The following FRMD3 variants were observed in gnomAD, a reference collection of about 807,000 sequenced individuals.
FRMD3 encodes the protein FERM domain containing 3, also known as FERM domain-containing protein 3.
Under a neutral mutation model 70.2 loss-of-function variants are expected in FRMD3, and 33 were observed. The observed-to-expected ratio is 0.47, with a 90% CI of 0.36 to 0.63. The LOEUF (loss-of-function observed/expected upper bound fraction) is 0.63, where lower values mean the gene tolerates loss of function less well. Among genes scored for constraint, FRMD3 ranks in the 20% least tolerant of loss-of-function variants. The pLI is 0.00. For missense variants in FRMD3, 632 were observed against 711.4 expected, an observed-to-expected ratio of 0.89 and a Z score of 1.27; for synonymous variants, 279 against 255.9, an observed-to-expected ratio of 1.09 and a Z score of -0.86.
chr9:83,438,575 T>A lies in FRMD3; in HGVS notation c.148-48867A>T, dbSNP rs564436567. On this transcript the variant is annotated intron_variant, in intron 1 of 13. Coordinates refer to ENST00000304195, the MANE Select transcript of FRMD3 (RefSeq NM_174938.6). ...TCACCATGCCCAGCTAATTTTTGTA[T>A]TTTTAGTAGAGACAGGGTTTCACCA... Among the ~76,000 whole-genome samples the A allele has an allele frequency of 2.4e-4, 37 of 152,284 alleles. 1 individual carries two copies. The South Asian group carries it at 7.7e-3, about 32-fold the overall frequency.
chr9:83,343,623 C>T (rs1191879632), intron 4 of FRMD3, among the ~76,000 whole-genome samples: 1 of 152,184 alleles, frequency 6.6e-6, no homozygotes, highest in Admixed American at 6.5e-5. Context: ...GCCATGGCCA[C>T]CGTCATCACT....
At chr9:83,524,301 A>G (rs1829641223) in intron 1 of FRMD3, among the ~76,000 whole-genome samples, 1 of 152,234 alleles carries the variant, frequency 6.6e-6, no homozygotes, top group Non-Finnish European at 1.5e-5. Context: ...TATTTGTACC[A>G]TGCCAAACAT....
chr9:83,273,211 G>T (rs1197461852), intron 13 of FRMD3, among the ~76,000 whole-genome samples: 3 of 152,364 alleles, frequency 2.0e-5, no homozygotes, highest in Admixed American at 6.5e-5. Flanking sequence ...GTGGGGAAAA[G>T]ATAGAGAAAT....
At chr9:83,375,309 C>T (rs1399348445) in intron 2 of FRMD3, among the ~76,000 whole-genome samples, 1 of 152,242 alleles carries the variant, frequency 6.6e-6, no homozygotes, top group African/African-American at 2.4e-5. Context: ...ATAAACTGGC[C>T]TCCTTATTGT....
At chr9:83,512,938 C>T (rs937207892) in intron 1 of FRMD3, among the ~76,000 whole-genome samples, 1 of 152,068 alleles carries the variant, frequency 6.6e-6, no homozygotes, top group South Asian at 2.1e-4. Flanking sequence ...TTCATGGATC[C>T]CAGTCACACT....
intron 6 of FRMD3, among the ~76,000 whole-genome samples, chr9:83,314,820 C>T (rs778388268): frequency 1.3e-5 from 2 of 152,010 alleles, no homozygotes; most frequent in African/African-American, 2.4e-5. Context: ...CTTTTCTTCC[C>T]TTCCCCACTT....
the FRMD3 span, among the ~76,000 whole-genome samples, chr9:83,543,571 T>A: frequency 2.6e-5 from 4 of 152,128 alleles, no homozygotes; most frequent in Non-Finnish European, 4.4e-5. Flanking sequence ...TGTCTCCACA[T>A]CACCAAATCC....
intron 1 of FRMD3, among the ~76,000 whole-genome samples, chr9:83,489,751 T>G (rs1480811240): frequency 6.6e-6 from 1 of 152,194 alleles, no homozygotes; most frequent in Non-Finnish European, 1.5e-5. Flanking sequence ...GAATCAAACC[T>G]CAAATATCTG....
At chr9:83,503,505 C>T (rs1210413426) in intron 1 of FRMD3, among the ~76,000 whole-genome samples, 1 of 152,188 alleles carries the variant, frequency 6.6e-6, no homozygotes, top group Non-Finnish European at 1.5e-5. Context: ...GATTCTGCCT[C>T]CCAGCTTTCA....
At chr9:83,475,404 G>A (rs1289651584) in intron 1 of FRMD3, among the ~76,000 whole-genome samples, 1 of 151,970 alleles carries the variant, frequency 6.6e-6, no homozygotes, top group East Asian at 1.9e-4. Context: ...AGAGAGAATT[G>A]GTGATCTAGA....
At chr9:83,280,531 T>C (rs914943815) in intron 13 of FRMD3, among the ~76,000 whole-genome samples, 27 of 152,330 alleles carry the variant, frequency 1.8e-4, no homozygotes, top group African/African-American at 6.3e-4. Flanking sequence ...TTCTCACATC[T>C]ATTTTGGAAT....
chr9:83,509,787 G>GCA (rs34264142), intron 1 of FRMD3, among the ~76,000 whole-genome samples: 13,508 of 149,438 alleles, frequency 0.09, 663 homozygotes, highest in East Asian at 0.21. Context: ...ACACGCGCGC[G>GCA]CACACACACA....
At chr9:83,465,934 G>A (rs1828114250) in intron 1 of FRMD3, among the ~76,000 whole-genome samples, 1 of 152,128 alleles carries the variant, frequency 6.6e-6, no homozygotes, top group Non-Finnish European at 1.5e-5. Context: ...ATCAGGAAGT[G>A]CCTGCAAGGA....
At position 83,538,291 on chromosome 9, in the gene FRMD3, G is replaced by C. The variant is rs1587542978; in HGVS notation, c.-60C>G. 2.0e-6 allele frequency: 3 copies of C among 1,502,116 alleles called. No homozygotes were observed. The African/African-American group carries it at 4.2e-5, about 21-fold the overall frequency. The allele number at this position is 1,502,116 out of a possible 1,614,324, so 93.0% of individuals were successfully genotyped here. A position where few individuals can be genotyped will look rare whatever the true frequency, so the allele number is the denominator to read the frequency against. The stretch of plus-strand genomic sequence containing the variant: ...GGGCCGGCGCGGTGCTCGCCTGCGC[G>C]GACACACACGCTCGCACGCACTGTC... On this transcript the variant is annotated 5_prime_UTR_variant, in exon 1 of 14. Coordinates refer to ENST00000304195, the MANE Select transcript of FRMD3 (RefSeq NM_174938.6). The surrounding 1 kb of genome is among the most constrained non-coding windows in gnomAD (Gnocchi z 4.7).
intron 13 of FRMD3, among the ~76,000 whole-genome samples, chr9:83,248,764 T>C (rs1224878764): frequency 1.3e-5 from 2 of 152,236 alleles, no homozygotes; most frequent in African/African-American, 2.4e-5. Context: ...AACATTTAGG[T>C]GTGCAATTTT....
chr9:83,369,535 A>G (rs1301440939), intron 3 of FRMD3, among the ~76,000 whole-genome samples: 1 of 151,902 alleles, frequency 6.6e-6, no homozygotes, highest in Non-Finnish European at 1.5e-5. Flanking sequence ...CAAGATCACA[A>G]GATGGCACTG....
intron 1 of FRMD3, among the ~76,000 whole-genome samples, chr9:83,475,147 G>A (rs866440722): frequency 1.3e-5 from 2 of 151,582 alleles, no homozygotes; most frequent in Non-Finnish European, 2.9e-5. Flanking sequence ...AGAACCAATA[G>A]GAAAAAAAAG....
At chr9:83,315,568 C>G (rs2131068382) in intron 6 of FRMD3, among the ~76,000 whole-genome samples, 1 of 152,256 alleles carries the variant, frequency 6.6e-6, no homozygotes, top group African/African-American at 2.4e-5. Context: ...CCCCTGCTCT[C>G]TCTTCCTCAG....
At chr9:83,500,318 T>C (rs11140130) in intron 1 of FRMD3, among the ~76,000 whole-genome samples, 9,066 of 145,694 alleles carry the variant, frequency 0.062, 399 homozygotes, top group East Asian at 0.29. Flanking sequence ...ATGGTAGTAA[T>C]AGGAGAGAGG....
Sources: gnomAD v4.1 joint callset for allele counts (sites outside exome capture counted in the v4.1 genomes callset) on GRCh38, gnomAD v4.1.1 for gene constraint, Gnocchi (gnomAD v3.1) non-coding constraint, MANE v1.5 for transcripts, NCBI Gene and HGNC (gene_info 2026-07-23, HGNC 2026-07-21) for gene names.